The following COG5 variants were observed in gnomAD, a reference collection of about 807,000 sequenced individuals.
The protein encoded by COG5 is component of oligomeric golgi complex 5, also known as conserved oligomeric Golgi complex subunit 5.
COG5 carries 86 observed loss-of-function variants against 110.4 expected under a neutral mutation model. The ratio of observed to expected loss-of-function variants is 0.78; its 90% CI spans 0.65 to 0.93. The LOEUF is 0.93. COG5 is among the 40% of genes least tolerant of loss of function. The pLI is 0.00. For missense variants in COG5, 1,077 were observed against 987.0 expected (o/e 1.09, Z -1.22); for synonymous variants, 360 against 334.6 (o/e 1.08, Z -0.83).
intron 6 of COG5, among the ~76,000 whole-genome samples, chr7:107,456,397 A>G (rs1795671475): frequency 6.6e-6 from 1 of 152,238 alleles, no homozygotes; most frequent in Non-Finnish European, 1.5e-5. Context: ...GGCAGAATTT[A>G]TGAAACTACT....
At chr7:107,265,367 C>T (rs1479788086) in intron 14 of COG5, among the ~76,000 whole-genome samples, 1 of 152,102 alleles carries the variant, frequency 6.6e-6, no homozygotes, top group Non-Finnish European at 1.5e-5. Flanking sequence ...GCAGCCTCGA[C>T]CTCCTGATCA....
chr7:107,398,488 C>T (rs1584772972), intron 7 of COG5, among the ~76,000 whole-genome samples: 1 of 152,118 alleles, frequency 6.6e-6, no homozygotes, highest in Non-Finnish European at 1.5e-5. Context: ...ACTGCACACG[C>T]GAGGGACATA....
chr7:107,470,357 C>A (rs766455111), intron 6 of COG5: 5 of 152,148 alleles, frequency 3.3e-5, no homozygotes, highest in Non-Finnish European at 5.9e-5. Flanking sequence ...CCTCTTCCCC[C>A]AGTCCTCTAC....
chr7:107,254,995 T>C (rs1395900737), intron 16 of COG5, among the ~76,000 whole-genome samples: 2 of 152,242 alleles, frequency 1.3e-5, no homozygotes, highest in Non-Finnish European at 2.9e-5. Context: ...GTGAAACTTC[T>C]GTATCAATTA....
In COG5 at chr7:107,516,317, G is replaced by C. The variant is rs186620424; in HGVS notation, c.538+10920C>G. On this transcript the variant is annotated intron_variant, in intron 6 of 21. Coordinates refer to ENST00000297135, the MANE Select transcript of COG5 (RefSeq NM_006348.5). ...CTTTTGCCTATTTTTTAAGTGGGTT[G>C]TTGGAGTTCCTATTAAGTTTTGAGT... 5.5e-3 allele frequency among the ~76,000 whole-genome samples: 843 copies of C among 152,258 alleles called. 8 individuals are homozygous for C. The highest frequency in any genetic ancestry group is 0.02 in the African/African-American group (812 of 41,556).
intron 5 of COG5, among the ~76,000 whole-genome samples, chr7:107,536,276 C>T (rs535554156): frequency 6.6e-6 from 1 of 152,236 alleles, no homozygotes; most frequent in South Asian, 2.1e-4. Flanking sequence ...CCAGGGCAAT[C>T]AGGCAAGAGA....
At chr7:107,233,375 A>G (rs141893396) in intron 18 of COG5, among the ~76,000 whole-genome samples, 242 of 152,278 alleles carry the variant, frequency 1.6e-3, no homozygotes, top group African/African-American at 5.5e-3. Flanking sequence ...ACCTGTAGGA[A>G]ACCACCTCGT....
chr7:107,319,515 G>C (rs116089539), intron 11 of COG5, among the ~76,000 whole-genome samples: 1 of 152,126 alleles, frequency 6.6e-6, no homozygotes, highest in South Asian at 2.1e-4. Context: ...AGAAAGCTGC[G>C]GTGATTTTAG....
At chr7:107,330,909 G>C (rs1020361423) in intron 10 of COG5, among the ~76,000 whole-genome samples, 2 of 148,254 alleles carry the variant, frequency 1.3e-5, no homozygotes, top group Non-Finnish European at 3.0e-5. Flanking sequence ...TGTAACCTCC[G>C]CCTTCCGGGT....
chr7:107,515,035 T>C (rs898740474), intron 6 of COG5, among the ~76,000 whole-genome samples: 7 of 152,192 alleles, frequency 4.6e-5, no homozygotes, highest in Admixed American at 1.3e-4. Context: ...CTGTAGGAGA[T>C]TCTAACAAGC....
At chr7:107,384,569 AGCCTAAATTTTTGTG>A (rs952655112) in intron 7 of COG5, among the ~76,000 whole-genome samples, 11 of 152,262 alleles carry the variant, frequency 7.2e-5, no homozygotes, top group Middle Eastern at 3.4e-3. Flanking sequence ...ACTGTCTGAA[AGCCTAAATTTTTGTG>A]GCCATGGGAC....
At chr7:107,206,988 G>GAAAA (rs568684123) in intron 21 of COG5, among the ~76,000 whole-genome samples, 1 of 144,488 alleles carries the variant, frequency 6.9e-6, no homozygotes, top group Non-Finnish European at 1.6e-5. Flanking sequence ...TCCTTATTGA[G>GAAAA]AAAAAAAACA....
intron 8 of COG5, among the ~76,000 whole-genome samples, chr7:107,366,136 T>TAC (rs1156914695): frequency 5.9e-5 from 9 of 152,056 alleles, no homozygotes; most frequent in African/African-American, 1.7e-4. Flanking sequence ...ATTACTGGAA[T>TAC]ACTCACTGGA....
intron 15 of COG5, among the ~76,000 whole-genome samples, chr7:107,257,675 GCTT>G (rs1802985518): frequency 6.6e-6 from 1 of 151,992 alleles, no homozygotes; most frequent in African/African-American, 2.4e-5. Flanking sequence ...TGAAAGTGTT[GCTT>G]TTTTAGTAAT....
chr7:107,434,631 A>G (rs118113321), intron 6 of COG5, among the ~76,000 whole-genome samples: 14 of 152,306 alleles, frequency 9.2e-5, no homozygotes, highest in Non-Finnish European at 1.6e-4. Flanking sequence ...ATAAAAAGAA[A>G]AAGAAAATGT....
intron 14 of COG5, among the ~76,000 whole-genome samples, chr7:107,277,234 A>T (rs913381468): frequency 2.6e-5 from 4 of 152,202 alleles, no homozygotes; most frequent in African/African-American, 9.6e-5. Context: ...TTAAATAAAA[A>T]AGATGTTATG....
intron 18 of COG5, among the ~76,000 whole-genome samples, chr7:107,232,681 T>A (rs10260403): frequency 1.1e-3 from 168 of 152,340 alleles, no homozygotes; most frequent in African/African-American, 3.9e-3. Context: ...AATTTTTTTA[T>A]CCATAAAGGA....
At chr7:107,259,585 G>A (rs138280214) in intron 14 of COG5, among the ~76,000 whole-genome samples, 2 of 152,138 alleles carry the variant, frequency 1.3e-5, no homozygotes, top group East Asian at 3.9e-4. Flanking sequence ...TGGCAGACTC[G>A]GGGCAGGGGG....
chr7:107,300,054 A>T (rs1807133633), intron 11 of COG5, among the ~76,000 whole-genome samples: 1 of 151,774 alleles, frequency 6.6e-6, no homozygotes, highest in African/African-American at 2.4e-5. Context: ...AATGTGATTC[A>T]TATTTTAACA....
Sources: allele counts gnomAD v4.1 joint callset (sites outside exome capture counted in the v4.1 genomes callset), GRCh38; gene constraint gnomAD v4.1.1; transcripts MANE v1.5; gene names NCBI Gene and HGNC (gene_info 2026-07-23, HGNC 2026-07-21).